C1orf21: variants seen among roughly 807,000 people sequenced by gnomAD.
C1orf21 encodes the protein chromosome 1 open reading frame 21.
Under a neutral mutation model 18.7 loss-of-function variants are expected in C1orf21, and 3 were observed. That is an observed-to-expected ratio of 0.16 (90% CI 0.07 to 0.42). C1orf21 has a LOEUF of 0.42. Among genes scored for constraint, C1orf21 ranks in the 10% least tolerant of loss-of-function variants. The pLI, the probability that C1orf21 is intolerant of heterozygous loss-of-function variation, is 0.99. For synonymous variants in C1orf21, 41 were observed against 46.4 expected (o/e 0.88, Z 0.47); for missense variants, 104 against 143.6 (o/e 0.72, Z 1.41).
At chr1:184,525,665 A>G (rs1162998846) in intron 3 of C1orf21, among the ~76,000 whole-genome samples, 1 of 152,180 alleles carries the variant, frequency 6.6e-6, no homozygotes, top group Non-Finnish European at 1.5e-5. Context: ...TATTTTTAAA[A>G]TTCTTTTCTA....
At chr1:184,540,023 C>T (rs1357244128) in intron 3 of C1orf21, 1 of 152,160 alleles carries the variant, frequency 6.6e-6, no homozygotes, top group African/African-American at 2.4e-5. Context: ...TTAAGCCATT[C>T]TGTTTTGGGG....
intron 3 of C1orf21, among the ~76,000 whole-genome samples, chr1:184,578,561 T>C (rs1659226946): frequency 6.6e-6 from 1 of 152,238 alleles, no homozygotes; most frequent in South Asian, 2.1e-4. Flanking sequence ...TCAAGTACTT[T>C]TAGTTTGTTT....
chr1:184,495,179 G>A (rs1657871143), intron 2 of C1orf21, among the ~76,000 whole-genome samples: 1 of 152,180 alleles, frequency 6.6e-6, no homozygotes, highest in Admixed American at 6.5e-5. Context: ...CTCCCTTCCT[G>A]TAACAGCCAC....
At chr1:184,578,102 G>A (rs1402588052) in intron 3 of C1orf21, among the ~76,000 whole-genome samples, 3 of 151,886 alleles carry the variant, frequency 2.0e-5, no homozygotes, top group Non-Finnish European at 2.9e-5. Context: ...GATTACAGGC[G>A]CCTGCCACCA....
chr1:184,490,968 A>G (rs1206287748), intron 2 of C1orf21, among the ~76,000 whole-genome samples: 1 of 152,098 alleles, frequency 6.6e-6, no homozygotes, highest in African/African-American at 2.4e-5. Context: ...AGGTGGTGAC[A>G]TTGAGAAAGA....
Position 184,623,088 on chromosome 1 carries a change from C to T in C1orf21, c.*3532C>T, listed in dbSNP as rs1659950011. Reference sequence around the variant, plus strand: ...TAAAAAACAGAGATGATACCTCTTACAAACTTTACCTCATAGCCTGTGAAG... The same window carrying T: ...TAAAAAACAGAGATGATACCTCTTATAAACTTTACCTCATAGCCTGTGAAG... On this transcript the variant is annotated 3_prime_UTR_variant, in exon 6 of 6. Transcript: ENST00000235307. 1 of 152,266 alleles carries T rather than the reference C, an allele frequency of 6.6e-6. No homozygotes were observed. Among genetic ancestry groups the T allele is most frequent in the African/African-American group, 2.4e-5 (1 of 41,464 alleles). 9.4% of individuals were successfully genotyped at this position (152,266 alleles called of 1,614,324 possible).
chr1:184,410,642 TATATATATATATATATATATA>T lies in C1orf21; in HGVS notation c.-125+23275_-125+23295del, dbSNP rs1361417349. ...TTATATATATATATATATATATATA[TATATATATATATATATATATA>T]TTTTTTTTTTTTTTTTTTGAGATGG... On this transcript the variant is annotated intron_variant, in intron 1 of 5. Transcript: ENST00000235307. Among the ~76,000 whole-genome samples the T allele has an allele frequency of 4.6e-3, 25 of 5,380 alleles. 3 individuals are homozygous for T. The highest frequency in any genetic ancestry group is 0.013 in the East Asian group (2 of 154). 3.5% of individuals were successfully genotyped at this position (5,380 alleles called of 152,430 possible).
chr1:184,618,508 T>C (rs1419970146), intron 5 of C1orf21, among the ~76,000 whole-genome samples: 1 of 152,126 alleles, frequency 6.6e-6, no homozygotes, highest in Non-Finnish European at 1.5e-5. Flanking sequence ...ATGTAAAATA[T>C]TTCTGTTATA....
At chr1:184,480,338 T>G (rs1414165563) in intron 2 of C1orf21, among the ~76,000 whole-genome samples, 2 of 152,244 alleles carry the variant, frequency 1.3e-5, no homozygotes, top group Non-Finnish European at 2.9e-5. Flanking sequence ...CAGAATTGGC[T>G]AGAAAACTAA....
intron 1 of C1orf21, among the ~76,000 whole-genome samples, chr1:184,453,346 C>T (rs533955220): frequency 2.0e-5 from 3 of 152,150 alleles, no homozygotes; most frequent in East Asian, 3.9e-4. Flanking sequence ...GTGCTTCTGA[C>T]GGTTCTGACG....
At chr1:184,414,515 A>G (rs1454774255) in intron 1 of C1orf21, among the ~76,000 whole-genome samples, 5 of 152,114 alleles carry the variant, frequency 3.3e-5, no homozygotes, top group African/African-American at 1.2e-4. Context: ...CTCATTGAGC[A>G]TTGGTCTTAC....
chr1:184,421,111 C>T (rs1246469135), intron 1 of C1orf21, among the ~76,000 whole-genome samples: 3 of 152,134 alleles, frequency 2.0e-5, no homozygotes, highest in African/African-American at 7.2e-5. Flanking sequence ...CAAGATTACA[C>T]TTCTGCTTTA....
intron 5 of C1orf21, 118 bp downstream of exon 5, chr1:184,598,579 TG>T (rs1659547952): frequency 2.0e-6 from 2 of 1,019,698 alleles, no homozygotes; most frequent in African/African-American, 3.3e-5. Context: ...AAGGTTTGGG[TG>T]GAGAGTTAAA....
intron 2 of C1orf21, among the ~76,000 whole-genome samples, chr1:184,482,492 C>T (rs553589026): frequency 2.6e-5 from 4 of 152,308 alleles, no homozygotes; most frequent in African/African-American, 9.6e-5. Context: ...TGGAGACCAA[C>T]GCCCATTGCA....
At chr1:184,554,650 A>G (rs938877305) in intron 3 of C1orf21, among the ~76,000 whole-genome samples, 2 of 152,238 alleles carry the variant, frequency 1.3e-5, no homozygotes, top group Non-Finnish European at 2.9e-5. Flanking sequence ...TCATTCATTC[A>G]TTCAGTGAAT....
At chr1:184,539,349 G>A (rs1658609819) in intron 3 of C1orf21, among the ~76,000 whole-genome samples, 2 of 152,052 alleles carry the variant, frequency 1.3e-5, no homozygotes, top group South Asian at 4.2e-4. Context: ...AATCCCACTT[G>A]GTCATGGTGT....
Position 184,507,777 on chromosome 1 carries a change from A to G in C1orf21, c.189+95A>G, listed in dbSNP as rs1658086085. On this transcript the variant is annotated intron_variant, in intron 3 of 5. Transcript: ENST00000235307. ...TTTTAACTGCAACTTACACACTGGC[A>G]CAAGATTTCTTGAAAATGCTGCAGC... 5.2e-6 allele frequency: 5 copies of G among 956,334 alleles called. No homozygotes were observed. The East Asian group carries it at 1.4e-4, about 27-fold the overall frequency. The allele number at this position is 956,334 out of a possible 1,614,324, so 59.2% of individuals were successfully genotyped here.
intron 3 of C1orf21, among the ~76,000 whole-genome samples, chr1:184,537,294 C>T (rs1658572031): frequency 6.6e-6 from 1 of 152,142 alleles, no homozygotes. Flanking sequence ...CTTCCCATTC[C>T]TCCTTCCCCA....
intron 3 of C1orf21, among the ~76,000 whole-genome samples, chr1:184,574,796 G>A (rs1572767): frequency 0.59 from 89,422 of 152,004 alleles, 28,866 homozygotes; most frequent in African/African-American, 0.87. Context: ...GAAGAGCCGT[G>A]AGAGCAGCAG....
Sources: gnomAD v4.1 joint callset for allele counts (sites outside exome capture counted in the v4.1 genomes callset) on GRCh38, gnomAD v4.1.1 for gene constraint, MANE v1.5 for transcripts, NCBI Gene and HGNC (gene_info 2026-07-23, HGNC 2026-07-21) for gene names.